FAAH: variants seen among roughly 807,000 people sequenced by gnomAD.
FAAH encodes fatty acid amide hydrolase.
A neutral mutation model predicts 69.7 loss-of-function variants in FAAH; 63 were observed. The ratio of observed to expected loss-of-function variants is 0.90; its 90% CI spans 0.74 to 1.12. The LOEUF (loss-of-function observed/expected upper bound fraction) is 1.12. FAAH is among the 50% of genes most tolerant of loss of function. The pLI is 0.00. For synonymous variants in FAAH, 305 were observed against 324.2 expected, an observed-to-expected ratio of 0.94 and a Z score of 0.64; for missense variants, 680 against 755.0, an observed-to-expected ratio of 0.90 and a Z score of 1.16.
chr1:46,413,170 G>C lies in FAAH; in HGVS notation c.1561G>C (p.Glu521Gln), dbSNP rs1664947408. The change falls in exon 14 of 15, where the codon GAA becomes CAA. Residue 521 changes from glutamate (E) to glutamine (Q), a missense_variant. Glu to Gln is a conservative substitution (Grantham distance 29). Transcript: ENST00000243167. ...TVTAEDEAQMEHYRGYFGDIW... is the reference protein window; with the variant it reads ...TVTAEDEAQMQHYRGYFGDIW... ...GACTGCTGAGGACGAGGCCCAGATG[G>C]AACATTACAGGGGCTACTTTGGGGA... The C allele has an allele frequency of 1.2e-6, 2 of 1,614,154 alleles. No individual in the cohort carries two copies. The highest frequency in any genetic ancestry group is 8.5e-7 in the Non-Finnish European group (1 of 1,180,020).
At chr1:46,396,563 A>G (rs1664601072) in intron 1 of FAAH, among the ~76,000 whole-genome samples, 1 of 152,290 alleles carries the variant, frequency 6.6e-6, no homozygotes, top group East Asian at 1.9e-4. Flanking sequence ...TCCGCAGTGC[A>G]TTGTGCCCCT....
intron 1 of FAAH, among the ~76,000 whole-genome samples, chr1:46,399,959 A>G (rs1664667148): frequency 6.6e-6 from 1 of 152,000 alleles, no homozygotes. Context: ...CTCACTTTTC[A>G]TTTTGTATAC....
chr1:46,402,056 C>A, intron 1 of FAAH, 35 bp from the exon 2 acceptor site: 1 of 1,545,148 alleles, frequency 6.5e-7, no homozygotes, highest in Non-Finnish European at 8.8e-7. Flanking sequence ...GAGACTTCGG[C>A]GAGTAGGGGA....
rs1664749654 is a variant in FAAH, at chr1:46,404,118, G to A, written c.310-896G>A. 6.6e-6 allele frequency among the ~76,000 whole-genome samples: 1 copy of A among 152,196 alleles called. No individual in the cohort carries two copies. Among genetic ancestry groups the A allele is most frequent in the African/African-American group, 2.4e-5 (1 of 41,436 alleles). ...GCGCATGCTGGGCTGGTGTCACTGA[G>A]AGGGGGCACGTACATAGTCTCAGCA... On this transcript the variant is annotated intron_variant, in intron 2 of 14. Coordinates refer to ENST00000243167, the MANE Select transcript of FAAH (RefSeq NM_001441.3). This position sits in a 1 kb window ranked among gnomAD's most constrained non-coding sequence, Gnocchi z 4.5.
chr1:46,396,860 G>C lies in FAAH; in HGVS notation c.195+2317G>C, dbSNP rs570204069. 2.0e-5 allele frequency among the ~76,000 whole-genome samples: 3 copies of C among 152,274 alleles called. No homozygotes were observed. The South Asian group carries it at 6.2e-4, about 32-fold the overall frequency. On this transcript the variant is annotated intron_variant, in intron 1 of 14. Coordinates refer to ENST00000243167, the MANE Select transcript of FAAH (RefSeq NM_001441.3). ...TCCCCACACATGTGTTGCGGTTTTG[G>C]CTGGCTGTAATGTATGAATTTACTC...
rs1664909486 is a variant in FAAH at position 46,411,312 on chromosome 1, AC to A, written c.1317-298del. Among the ~76,000 whole-genome samples the A allele has an allele frequency of 6.6e-6, 1 of 152,078 alleles. No homozygotes were observed. The highest frequency in any genetic ancestry group is 1.5e-5 in the Non-Finnish European group (1 of 67,990). Reference sequence around the variant, plus strand: ...GTCCCATGGACTCACTCCTTCCCTTACCACCAGGCTTCAGGACTGGCAGCAG... The same window carrying A: ...GTCCCATGGACTCACTCCTTCCCTTACACCAGGCTTCAGGACTGGCAGCAG... On this transcript the variant is annotated intron_variant, in intron 11 of 14. Transcript: ENST00000243167. The surrounding 1 kb of genome is among the most constrained non-coding windows in gnomAD (Gnocchi z 4.8).
rs1468017793 is a variant in FAAH at position 46,410,427 on chromosome 1, G to A, written c.1205G>A (p.Gly402Glu). The change falls in exon 10 of 15, where the codon GGG becomes GAG. Residue 402 changes from glycine (G) to glutamate (E), a missense_variant. Coordinates refer to ENST00000243167, the MANE Select transcript of FAAH (RefSeq NM_001441.3). The surrounding 1 kb of genome is among the most constrained non-coding windows in gnomAD (Gnocchi z 4.9). ...FKGDFVDPCLGDLVSILKLPQ... is the reference protein window; with the variant it reads ...FKGDFVDPCLEDLVSILKLPQ... ...GGTGATTTCGTGGACCCCTGCCTGG[G>A]GGACCTGGTCTCAATTCTGAAGCTT... 2 of 1,614,086 alleles carry A rather than the reference G, an allele frequency of 1.2e-6. No individual in the cohort carries two copies. The highest frequency in any genetic ancestry group is 1.7e-5 in the Admixed American group (1 of 60,024).
In FAAH at chr1:46,411,379, G is replaced by T. The variant is rs141866558; in HGVS notation, c.1317-233G>T. Reference sequence around the variant, plus strand: ...TGTCCTGAGGGTAGCGAGGAATCGGGCCTGGGCTAGTCCTGGCTCTGCTGT... The same window carrying T: ...TGTCCTGAGGGTAGCGAGGAATCGGTCCTGGGCTAGTCCTGGCTCTGCTGT... On this transcript the variant is annotated intron_variant, in intron 11 of 14. Coordinates refer to ENST00000243167, the MANE Select transcript of FAAH (RefSeq NM_001441.3). This position sits in a 1 kb window ranked among gnomAD's most constrained non-coding sequence, Gnocchi z 4.8. 1.3e-4 allele frequency among the ~76,000 whole-genome samples: 20 copies of T among 152,358 alleles called. No individual in the cohort carries two copies. Among genetic ancestry groups the T allele is most frequent in the Admixed American group, 3.9e-4 (6 of 15,310 alleles).
At position 46,394,625 on chromosome 1, in the gene FAAH, CA is replaced by C. The variant is rs1664564850; in HGVS notation, c.195+83del. 1.5e-5 allele frequency: 18 copies of C among 1,173,312 alleles called. 1 individual carries two copies. The South Asian group carries it at 4.9e-4, about 32-fold the overall frequency. 72.7% of individuals were successfully genotyped at this position (1,173,312 alleles called of 1,614,324 possible). ...TTCAGCCGCCGGACCCGCCGAGGGA[CA>C]GGGGATGGGGCGGGCAGAGCAGATG... On this transcript the variant is annotated intron_variant, in intron 1 of 14. Coordinates refer to ENST00000243167, the MANE Select transcript of FAAH (RefSeq NM_001441.3).
intron 1 of FAAH, among the ~76,000 whole-genome samples, chr1:46,401,434 A>T (rs1377453004): frequency 5.3e-5 from 8 of 152,102 alleles, no homozygotes; most frequent in Non-Finnish European, 2.9e-5. Context: ...ACACAGAATG[A>T]ATGTGTAAAC....
At chr1:46,412,325 G>C in intron 13 of FAAH, 74 bp downstream of exon 13, 1 of 1,299,182 alleles carries the variant, frequency 7.7e-7, no homozygotes, top group Non-Finnish European at 1.1e-6. Context: ...GGAAATGGAA[G>C]AAGAGCCCTC....
chr1:46,396,838 C>T (rs898839394), intron 1 of FAAH, among the ~76,000 whole-genome samples: 2 of 152,112 alleles, frequency 1.3e-5, no homozygotes, highest in Admixed American at 1.3e-4. Flanking sequence ...TCTCTTTTCC[C>T]CACACATGTG....
chr1:46,409,636 C>T (rs963277739), intron 9 of FAAH, among the ~76,000 whole-genome samples: 10 of 152,106 alleles, frequency 6.6e-5, no homozygotes, highest in African/African-American at 2.4e-4. Context: ...GACCAGACTC[C>T]CTTTAAGGGA....
At chr1:46,395,844 C>G (rs765424744) in intron 1 of FAAH, among the ~76,000 whole-genome samples, 3 of 152,208 alleles carry the variant, frequency 2.0e-5, no homozygotes, top group Non-Finnish European at 2.9e-5. Flanking sequence ...CATGCCAGCC[C>G]AGGGTGTAGC....
In FAAH at chr1:46,405,508, TG is replaced by T. The variant is rs1210071459; in HGVS notation, c.578+6del. On this transcript the variant is annotated splice_donor_region_variant and intron_variant, in intron 4 of 14. Coordinates refer to ENST00000243167, the MANE Select transcript of FAAH (RefSeq NM_001441.3). The surrounding 1 kb of genome is among the most constrained non-coding windows in gnomAD (Gnocchi z 4.1). ...AATGTTCCACAGTCCATGTTCAGGT[TG>T]GGTCTTGGGGTGGGGCGGGGCGGGG... 1.9e-6 allele frequency: 1 copy of T among 534,024 alleles called. No homozygotes were observed. The highest frequency in any genetic ancestry group is 3.2e-6 in the Non-Finnish European group (1 of 310,120). 33.1% of individuals were successfully genotyped at this position (534,024 alleles called of 1,614,324 possible).
At chr1:46,402,054 G>A (rs201382670) in intron 1 of FAAH, 37 bp from the exon 2 acceptor site, 16 of 1,544,212 alleles carry the variant, frequency 1.0e-5, no homozygotes, top group African/African-American at 4.1e-5. Context: ...ATGAGACTTC[G>A]GCGAGTAGGG....
In FAAH at chr1:46,394,331, C is replaced by T; in HGVS notation, c.-18C>T. Reference sequence around the variant, plus strand: ...CGGCTTCAACTGTCGCGGTAGGCAGCAGCAGGCTGAAGGGATCATGGTGCA... The same window carrying T: ...CGGCTTCAACTGTCGCGGTAGGCAGTAGCAGGCTGAAGGGATCATGGTGCA... On this transcript the variant is annotated 5_prime_UTR_variant, in exon 1 of 15. Transcript: ENST00000243167. 1.9e-6 allele frequency: 3 copies of T among 1,552,050 alleles called. No homozygotes were observed. Among genetic ancestry groups the T allele is most frequent in the Non-Finnish European group, 2.6e-6 (3 of 1,153,338 alleles).
At chr1:46,412,362 C>T (rs1213359726) in intron 13 of FAAH, 111 bp downstream of exon 13, 2 of 897,546 alleles carry the variant, frequency 2.2e-6, no homozygotes, top group East Asian at 5.3e-5. Context: ...TCTCGGGGCC[C>T]ACAGTCTGGC....
chr1:46,394,687 T>G, intron 1 of FAAH, 144 bp downstream of exon 1: 5 of 724,112 alleles, frequency 6.9e-6, no homozygotes, highest in South Asian at 6.1e-5. Flanking sequence ...CCCTAAGATA[T>G]TCCGCACTTT....
Sources: allele counts gnomAD v4.1 joint callset (sites outside exome capture counted in the v4.1 genomes callset), GRCh38; gene constraint gnomAD v4.1.1; non-coding constraint Gnocchi (gnomAD v3.1); transcripts MANE v1.5; gene names NCBI Gene and HGNC (gene_info 2026-07-23, HGNC 2026-07-21).